KCNQ1: variants seen among roughly 807,000 people sequenced by gnomAD.
KCNQ1 encodes the protein potassium voltage-gated channel subfamily Q member 1.
Under a neutral mutation model 72.4 loss-of-function variants are expected in KCNQ1, and 49 were observed. The ratio of observed to expected loss-of-function variants is 0.68; its 90% confidence interval spans 0.54 to 0.86. The LOEUF is 0.86. KCNQ1 is among the 40% of genes least tolerant of loss of function. KCNQ1 has a pLI of 0.00. For missense variants in KCNQ1, 790 were observed against 945.1 expected, an observed-to-expected ratio of 0.84 and a Z score of 2.15; for synonymous variants, 450 against 412.6, an observed-to-expected ratio of 1.09 and a Z score of -1.10.
Position 2,769,390 on chromosome 11 carries a change from G to T in KCNQ1, c.1590+471G>T, listed in dbSNP as rs2133981684. Among the ~76,000 whole-genome samples the T allele has an allele frequency of 6.6e-6, 1 of 152,316 alleles. No individual in the cohort carries two copies. The highest frequency in any genetic ancestry group is 1.9e-4 in the East Asian group (1 of 5,170). The stretch of plus-strand genomic sequence containing the variant: ...TTCCCTGCTCCTCCACCCTCTGTGA[G>T]TTGGGAGGATGGAGGGAGGCTGGGC... On this transcript the variant is annotated intron_variant, in intron 12 of 15. Transcript: ENST00000155840. The surrounding 1 kb of genome is among the most constrained non-coding windows in gnomAD (Gnocchi z 4.6).
intron 12 of KCNQ1, among the ~76,000 whole-genome samples, chr11:2,774,164 A>C (rs1846652022): frequency 6.6e-6 from 1 of 152,252 alleles, no homozygotes; most frequent in African/African-American, 2.4e-5. Context: ...TATCTTACAG[A>C]AGAGAGAAGA....
chr11:2,561,869 G>T (rs888911613), intron 2 of KCNQ1, among the ~76,000 whole-genome samples: 1 of 150,776 alleles, frequency 6.6e-6, no homozygotes, highest in Non-Finnish European at 1.5e-5. Context: ...GCCTTGGGTG[G>T]CCAGGGCCTC....
intron 1 of KCNQ1, among the ~76,000 whole-genome samples, chr11:2,467,772 T>G (rs1047430811): frequency 6.6e-6 from 1 of 152,146 alleles, no homozygotes; most frequent in Non-Finnish European, 1.5e-5. Flanking sequence ...TGGGGACCCC[T>G]TTGCTCCCCT....
At chr11:2,576,040 T>A (rs887329787) in intron 6 of KCNQ1, among the ~76,000 whole-genome samples, 4 of 152,236 alleles carry the variant, frequency 2.6e-5, no homozygotes, top group African/African-American at 9.6e-5. Context: ...TGAGGACACT[T>A]GCTGTTGGCT....
In KCNQ1 at chr11:2,673,191, A is replaced by G. The variant is rs1850217817; in HGVS notation, c.1514+11110A>G. On this transcript the variant is annotated intron_variant, in intron 11 of 15. Transcript: ENST00000155840. This position sits in a 1 kb window ranked among gnomAD's most constrained non-coding sequence, Gnocchi z 4.5. ...CAGAATGGGCCCTGGAGCCAAGGCC[A>G]AAAGCCGAACTGTGACTAGGCAAGC... 2.5e-6 allele frequency: 1 copy of G among 398,724 alleles called. No homozygotes were observed. The highest frequency in any genetic ancestry group is 4.4e-6 in the Non-Finnish European group (1 of 226,128). The allele number at this position is 398,724 out of a possible 1,614,324, so 24.7% of individuals were successfully genotyped here. A position where few individuals can be genotyped will look rare whatever the true frequency, so the allele number is the denominator to read the frequency against.
intron 2 of KCNQ1, among the ~76,000 whole-genome samples, chr11:2,531,959 A>G (rs1258083571): frequency 6.6e-6 from 1 of 151,872 alleles, no homozygotes; most frequent in Non-Finnish European, 1.5e-5. Context: ...CTGTAACACT[A>G]CCCACCCCAC....
In KCNQ1 at chr11:2,606,892, ATTTTTTTTTTTTTTTT is replaced by A. The variant is rs869121696; in HGVS notation, c.1393+18051_1393+18066del. Reference sequence around the variant, plus strand: ...ACTGTTAAGTATGATATTATCTGTGATTTTTTTTTTTTTTTTTTTTTTTTTTTTGAGACAGAGTCTC... The same window carrying A: ...ACTGTTAAGTATGATATTATCTGTGATTTTTTTTTTTTGAGACAGAGTCTC... On this transcript the variant is annotated intron_variant, in intron 10 of 15. Transcript: ENST00000155840. Among the ~76,000 whole-genome samples the A allele has an allele frequency of 1.5e-3, 125 of 82,768 alleles. 1 individual carries two copies. The highest frequency in any genetic ancestry group is 6.4e-3 in the African/African-American group (122 of 18,950). The allele number at this position is 82,768 out of a possible 152,430, so 54.3% of individuals were successfully genotyped here. A position where few individuals can be genotyped will look rare whatever the true frequency, so the allele number is the denominator to read the frequency against.
At chr11:2,609,173 C>T (rs989453343) in intron 10 of KCNQ1, 5 of 398,030 alleles carry the variant, frequency 1.3e-5, no homozygotes, top group Non-Finnish European at 2.2e-5. Context: ...CTATAAAATT[C>T]CATCTTTACA....
At chr11:2,517,027 A>G (rs2237872) in intron 1 of KCNQ1, among the ~76,000 whole-genome samples, 29,654 of 151,596 alleles carry the variant, frequency 0.2, 3,199 homozygotes, top group East Asian at 0.41. Flanking sequence ...GGCTGTGTTC[A>G]CCCCCCAGGC....
chr11:2,628,529 ATATT>A, intron 10 of KCNQ1: 1 of 398,450 alleles, frequency 2.5e-6, no homozygotes, highest in Non-Finnish European at 4.4e-6. Context: ...TTCCTTATAT[ATATT>A]GGATATTAAT....
In KCNQ1 at chr11:2,711,744, C is replaced by T. The variant is rs1202358234; in HGVS notation, c.1514+49663C>T. On this transcript the variant is annotated intron_variant, in intron 11 of 15. Coordinates refer to ENST00000155840, the MANE Select transcript of KCNQ1 (RefSeq NM_000218.3). The surrounding 1 kb of genome is among the most constrained non-coding windows in gnomAD (Gnocchi z 5.4). ...TACCACCAGGGAAATAGAACTTTGGCAGCTTACAAAGGAGTTTTATTTTTC... is the reference window on the plus strand; with the variant it reads ...TACCACCAGGGAAATAGAACTTTGGTAGCTTACAAAGGAGTTTTATTTTTC... Among the ~76,000 whole-genome samples the T allele has an allele frequency of 6.6e-6, 1 of 152,210 alleles. No individual in the cohort carries two copies. Among genetic ancestry groups the T allele is most frequent in the African/African-American group, 2.4e-5 (1 of 41,452 alleles).
At chr11:2,522,817 G>A (rs895698625) in intron 1 of KCNQ1, among the ~76,000 whole-genome samples, 6 of 152,220 alleles carry the variant, frequency 3.9e-5, no homozygotes, top group East Asian at 1.9e-4. Context: ...CCTCAGCCGC[G>A]ATTCCACTGC....
At chr11:2,453,256 C>T (rs1319007001) in intron 1 of KCNQ1, among the ~76,000 whole-genome samples, 1 of 152,120 alleles carries the variant, frequency 6.6e-6, no homozygotes. Context: ...GCCTGTAATC[C>T]CAGCTACTTG....
At chr11:2,545,200 A>T (rs1249972285) in intron 2 of KCNQ1, among the ~76,000 whole-genome samples, 2 of 152,244 alleles carry the variant, frequency 1.3e-5, no homozygotes, top group Non-Finnish European at 2.9e-5. Context: ...TTTTGCTAAC[A>T]ACCTTTGCAT....
chr11:2,801,146 G>A (rs1434352798), intron 15 of KCNQ1, among the ~76,000 whole-genome samples: 1 of 152,144 alleles, frequency 6.6e-6, no homozygotes, highest in Non-Finnish European at 1.5e-5. Flanking sequence ...AGTCAGGTTT[G>A]GAGTGGGTCC....
chr11:2,749,185 G>A (rs1215784806), intron 11 of KCNQ1, among the ~76,000 whole-genome samples: 6 of 152,186 alleles, frequency 3.9e-5, no homozygotes, highest in Admixed American at 6.5e-5. Context: ...GGGCTGTTCC[G>A]CCAGCACCCC....
At position 2,468,406 on chromosome 11, in the gene KCNQ1, C is replaced by T. The variant is rs1230324260; in HGVS notation, c.386+22922C>T. On this transcript the variant is annotated intron_variant, in intron 1 of 15. Coordinates refer to ENST00000155840, the MANE Select transcript of KCNQ1 (RefSeq NM_000218.3). This position sits in a 1 kb window ranked among gnomAD's most constrained non-coding sequence, Gnocchi z 5.7. The stretch of plus-strand genomic sequence containing the variant: ...AAGCGATCTGCCTGCCTCAGCCTCC[C>T]AAAGTGCTGGGATTACAGGCATGCA... Among the ~76,000 whole-genome samples, 1 of 152,238 alleles carries T rather than the reference C, an allele frequency of 6.6e-6. No homozygotes were observed. The highest frequency in any genetic ancestry group is 1.5e-5 in the Non-Finnish European group (1 of 68,042).
chr11:2,614,469 A>T (rs780984231), intron 10 of KCNQ1: 3 of 398,390 alleles, frequency 7.5e-6, no homozygotes, highest in Non-Finnish European at 1.3e-5. Flanking sequence ...ATCTCAAGTC[A>T]TAAAGATTTA....
At chr11:2,619,712 A>ATTTT (rs35618307) in intron 10 of KCNQ1, 5 of 368,060 alleles carry the variant, frequency 1.4e-5, no homozygotes, top group African/African-American at 8.9e-5. Context: ...CTTTAGCTGC[A>ATTTT]TTTTTTTTTT....
Sources: allele counts gnomAD v4.1 joint callset (sites outside exome capture counted in the v4.1 genomes callset), GRCh38; gene constraint gnomAD v4.1.1; non-coding constraint Gnocchi (gnomAD v3.1); transcripts MANE v1.5; gene names NCBI Gene and HGNC (gene_info 2026-07-23, HGNC 2026-07-21).